The following SGCD variants were observed in gnomAD, a reference collection of about 807,000 sequenced individuals.
The protein encoded by SGCD is delta-sarcoglycan.
A neutral mutation model predicts 36.6 loss-of-function variants in SGCD; 18 were observed. The observed-to-expected ratio is 0.49, with a 90% CI of 0.34 to 0.73. The LOEUF (loss-of-function observed/expected upper bound fraction) is 0.73, where lower values mean the gene tolerates loss of function less well. Among genes scored for constraint, SGCD ranks in the 30% least tolerant of loss-of-function variants. The pLI is 0.01. For synonymous variants in SGCD, 133 were observed against 130.6 expected, an observed-to-expected ratio of 1.02 and a Z score of -0.12; for missense variants, 387 against 346.7, an observed-to-expected ratio of 1.12 and a Z score of -0.92.
intron 3 of SGCD, among the ~76,000 whole-genome samples, chr5:156,173,635 CA>C (rs1469734731): frequency 6.6e-6 from 1 of 152,088 alleles, no homozygotes; most frequent in African/African-American, 2.4e-5. Flanking sequence ...TTTATAGAGA[CA>C]TTTTTTATTT....
chr5:156,029,630 C>T (rs1759299810), intron 1 of SGCD, among the ~76,000 whole-genome samples: 1 of 152,024 alleles, frequency 6.6e-6, no homozygotes, highest in Admixed American at 6.6e-5. Flanking sequence ...TAGAAGCCAG[C>T]CAGGGAGTAA....
chr5:156,179,833 A>G (rs768326711), intron 3 of SGCD, among the ~76,000 whole-genome samples: 5 of 152,132 alleles, frequency 3.3e-5, no homozygotes, highest in Non-Finnish European at 7.4e-5. Context: ...CATGTTGCCC[A>G]GGTTGGTCTC....
the SGCD span, among the ~76,000 whole-genome samples, chr5:155,744,691 C>G: frequency 2.0e-5 from 3 of 151,916 alleles, no homozygotes; most frequent in Non-Finnish European, 4.4e-5. Context: ...AGACATTACC[C>G]CAGAATTCAG....
At chr5:156,551,450 A>G (rs1758790879) in intron 4 of SGCD, among the ~76,000 whole-genome samples, 1 of 152,174 alleles carries the variant, frequency 6.6e-6, no homozygotes, top group Non-Finnish European at 1.5e-5. Flanking sequence ...ATCACGATCC[A>G]GTACATTATT....
At chr5:156,088,893 G>A (rs1217952004) in intron 1 of SGCD, among the ~76,000 whole-genome samples, 1 of 152,170 alleles carries the variant, frequency 6.6e-6, no homozygotes, top group Non-Finnish European at 1.5e-5. Flanking sequence ...TTATTTCAGA[G>A]TGGTGGACCC....
Position 156,503,737 on chromosome 5 carries a change from A to G in SGCD, c.193-4864A>G, listed in dbSNP as rs192618547. On this transcript the variant is annotated intron_variant, in intron 3 of 8. Transcript: ENST00000337851. ...GGAAAATAATAATTATCTCATAAGAACATTGAAGAGATGACATGAGATAAT... is the reference window on the plus strand; with the variant it reads ...GGAAAATAATAATTATCTCATAAGAGCATTGAAGAGATGACATGAGATAAT... 8.8e-4 allele frequency among the ~76,000 whole-genome samples: 134 copies of G among 152,342 alleles called. 1 individual carries two copies. The East Asian group carries it at 0.01, about 12-fold the overall frequency.
At chr5:155,807,098 C>G in the SGCD span, among the ~76,000 whole-genome samples, 1 of 152,060 alleles carries the variant, frequency 6.6e-6, no homozygotes, top group Non-Finnish European at 1.5e-5. Context: ...TTAAAAAATC[C>G]TTTTAGATAC....
intron 3 of SGCD, among the ~76,000 whole-genome samples, chr5:156,390,037 C>T (rs1771481507): frequency 6.6e-6 from 1 of 152,086 alleles, no homozygotes; most frequent in South Asian, 2.1e-4. Flanking sequence ...ACATGTTACT[C>T]ATGTGTTTGC....
chr5:155,809,902 G>A, the SGCD span, among the ~76,000 whole-genome samples: 1 of 152,092 alleles, frequency 6.6e-6, no homozygotes, highest in Non-Finnish European at 1.5e-5. Context: ...CACTGAACTG[G>A]GTGATCCTGG....
chr5:156,267,242 T>C (rs1766025393), intron 3 of SGCD, among the ~76,000 whole-genome samples: 1 of 152,220 alleles, frequency 6.6e-6, no homozygotes, highest in African/African-American at 2.4e-5. Flanking sequence ...ATCTTAAGTC[T>C]TCCTGTTGTT....
intron 3 of SGCD, among the ~76,000 whole-genome samples, chr5:156,276,874 C>A (rs895761283): frequency 6.6e-6 from 1 of 151,938 alleles, no homozygotes; most frequent in Non-Finnish European, 1.5e-5. Flanking sequence ...ACATAACATC[C>A]CTCTAGTGAT....
At chr5:156,675,590 G>C (rs1235274683) in intron 7 of SGCD, among the ~76,000 whole-genome samples, 1 of 152,138 alleles carries the variant, frequency 6.6e-6, no homozygotes, top group Non-Finnish European at 1.5e-5. Context: ...AGGCATGAGA[G>C]AGCCAAACTG....
At position 155,887,006 on chromosome 5, in the gene SGCD, T is replaced by A. The variant is rs1260981701; in HGVS notation, c.-282+16582T>A. 2.6e-5 allele frequency among the ~76,000 whole-genome samples: 4 copies of A among 152,124 alleles called. No individual in the cohort carries two copies. The South Asian group carries it at 6.2e-4, about 24-fold the overall frequency. On this transcript the variant is annotated intron_variant, in intron 1 of 9. Coordinates refer to the SGCD transcript ENST00000517913. ...TGCCATCTGAAACCTCCTGATGACA[T>A]CCCCAGAAGGAAAATTCCTGGTGTC... is the stretch of plus-strand genomic sequence containing the variant.
At chr5:156,498,938 G>C (rs973588696) in intron 3 of SGCD, among the ~76,000 whole-genome samples, 1,259 of 106,724 alleles carry the variant, frequency 0.012, 11 homozygotes, top group African/African-American at 0.031. Flanking sequence ...TGTGCTACGT[G>C]TGTGTGTGTG....
chr5:155,894,614 C>T (rs534502186), intron 1 of SGCD, among the ~76,000 whole-genome samples: 349 of 152,260 alleles, frequency 2.3e-3, no homozygotes, highest in Non-Finnish European at 4.3e-3. Flanking sequence ...CTGAGCTCTG[C>T]CTCCTGTCAG....
At chr5:156,657,219 CTT>C (rs571128334) in intron 7 of SGCD, among the ~76,000 whole-genome samples, 2 of 146,200 alleles carry the variant, frequency 1.4e-5, no homozygotes, top group East Asian at 2.0e-4. Context: ...AATAGTCTGA[CTT>C]TTTTTTTTTC....
At chr5:156,573,534 T>G (rs1759805613) in intron 4 of SGCD, among the ~76,000 whole-genome samples, 2 of 152,176 alleles carry the variant, frequency 1.3e-5, no homozygotes, top group African/African-American at 2.4e-5. Flanking sequence ...CTGGTGAAAT[T>G]CATCCCTCCT....
chr5:156,457,477 T>C (rs1340500689), intron 3 of SGCD, among the ~76,000 whole-genome samples: 1 of 152,184 alleles, frequency 6.6e-6, no homozygotes, highest in Non-Finnish European at 1.5e-5. Flanking sequence ...CATTCAAAAA[T>C]GTATCAAATA....
the SGCD span, among the ~76,000 whole-genome samples, chr5:155,732,388 T>C: frequency 2.6e-5 from 4 of 152,256 alleles, no homozygotes; most frequent in Non-Finnish European, 2.9e-5. Context: ...GTCCTAATTA[T>C]GTACCGTGGT....
Sources: gnomAD v4.1 joint callset for allele counts (sites outside exome capture counted in the v4.1 genomes callset) on GRCh38, gnomAD v4.1.1 for gene constraint, MANE v1.5 for transcripts, NCBI Gene and HGNC (gene_info 2026-07-23, HGNC 2026-07-21) for gene names.